The following PCDH12 variants were observed in gnomAD, a reference collection of about 807,000 sequenced individuals.
The protein encoded by PCDH12 is protocadherin 12.
PCDH12 carries 45 observed loss-of-function variants against 70.9 expected under a neutral mutation model. The observed-to-expected ratio is 0.63, with a 90% CI of 0.50 to 0.81. The LOEUF (loss-of-function observed/expected upper bound fraction) is 0.81, where lower values mean the gene tolerates loss of function less well. Among genes scored for constraint, PCDH12 ranks in the 40% least tolerant of loss-of-function variants. The pLI, the probability that PCDH12 is intolerant of heterozygous loss-of-function variation, is 0.00. For synonymous variants in PCDH12, 567 were observed against 626.0 expected, an observed-to-expected ratio of 0.91 and a Z score of 1.41; for missense variants, 1,370 against 1,491.7, an observed-to-expected ratio of 0.92 and a Z score of 1.34.
chr5:141,955,641 C>T lies in PCDH12; in HGVS notation c.2211G>A (p.Met737Ile), dbSNP rs758107583. ...GIFGLILALFMSICRTEKKDN... is the reference protein window; with the variant it reads ...GIFGLILALFISICRTEKKDN... Reference sequence around the variant, plus strand: ...CCTTCTTTTCTGTCCGGCAGATGGACATGAACAAAGCCAGGATCAACCCGA... The same window carrying T: ...CCTTCTTTTCTGTCCGGCAGATGGATATGAACAAAGCCAGGATCAACCCGA... Residue 737 changes from methionine (M) to isoleucine (I), a missense_variant, in exon 1 of 4, where the codon ATG becomes ATA. By Grantham distance (10) the Met-to-Ile change is conservative (BLOSUM62 1). Coordinates refer to ENST00000231484, the MANE Select transcript of PCDH12 (RefSeq NM_016580.4). This position sits in a 1 kb window ranked among gnomAD's most constrained non-coding sequence, Gnocchi z 5.5. 11 of 1,614,160 alleles carry T rather than the reference C, an allele frequency of 6.8e-6. No homozygotes were observed. Among genetic ancestry groups the T allele is most frequent in the Non-Finnish European group, 9.3e-6 (11 of 1,180,034 alleles).
rs938296506 is a variant in PCDH12, at chr5:141,943,726, T to A, written c.*1655A>T. The A allele has an allele frequency of 6.6e-6, 1 of 152,058 alleles. No individual in the cohort carries two copies. Among genetic ancestry groups the A allele is most frequent in the African/African-American group, 2.4e-5 (1 of 41,376 alleles). 9.4% of individuals were successfully genotyped at this position (152,058 alleles called of 1,614,324 possible). On this transcript the variant is annotated 3_prime_UTR_variant, in exon 4 of 4. Transcript: ENST00000231484. The stretch of plus-strand genomic sequence containing the variant: ...GCCTGCCTGCTTGATATCCCCCAGT[T>A]TCTCTCACTGGCCCACAGAACCCAA...
chr5:141,956,377 T>A lies in PCDH12; in HGVS notation c.1475A>T (p.Asn492Ile). 1 of 1,614,226 alleles carries A rather than the reference T, an allele frequency of 6.2e-7. No individual in the cohort carries two copies. Among genetic ancestry groups the A allele is most frequent in the Non-Finnish European group, 8.5e-7 (1 of 1,180,040 alleles). The part of the protein sequence containing the change: ...IKAHDADLGI[N>I]GKVSYRIQDS... Reference sequence around the variant, plus strand: ...CTGGATGCGGTATGAGACTTTTCCATTAATGCCCAAGTCTGCATCATGAGC... The same window carrying A: ...CTGGATGCGGTATGAGACTTTTCCAATAATGCCCAAGTCTGCATCATGAGC... The change falls in exon 1 of 4, where the codon AAT (asparagine) becomes ATT (isoleucine). Residue 492 changes from asparagine to isoleucine, a missense_variant. Coordinates refer to ENST00000231484, the MANE Select transcript of PCDH12 (RefSeq NM_016580.4).
chr5:141,948,494 C>T (rs182903755), intron 3 of PCDH12, among the ~76,000 whole-genome samples: 8 of 152,138 alleles, frequency 5.3e-5, no homozygotes, highest in Non-Finnish European at 8.8e-5. Flanking sequence ...GGGCGGGGGG[C>T]GCTAGCAGAT....
chr5:141,945,563 A>G lies in PCDH12; in HGVS notation c.3373T>C (p.Ser1125Pro), dbSNP rs752872441. 7 of 1,613,942 alleles carry G rather than the reference A, an allele frequency of 4.3e-6. No individual in the cohort carries two copies. The Admixed American group carries it at 1.2e-4, about 27-fold the overall frequency. Residue 1125 changes from serine (S) to proline (P), a missense_variant, in exon 4 of 4, where the codon TCC becomes CCC. Transcript: ENST00000231484. The part of the protein sequence containing the change: ...SLLEMLLEQR[S>P]SMPVEAASEA... ...GAGGCGGCCTCCACGGGCATGCTGG[A>G]GCGCTGTTCCAGCAGCATCTCCAGC... is the stretch of plus-strand genomic sequence containing the variant.
At position 141,954,842 on chromosome 5, in the gene PCDH12, C is replaced by T. The variant is rs1243425133; in HGVS notation, c.2880+130G>A. ...AAGCTGTGCCCTGAACCATTGCTAC[C>T]CAAAGCATCAGAAAGTGCCAGGTGA... is the stretch of plus-strand genomic sequence containing the variant. On this transcript the variant is annotated intron_variant, in intron 1 of 3. Transcript: ENST00000231484. 3 of 1,247,464 alleles carry T rather than the reference C, an allele frequency of 2.4e-6. No homozygotes were observed. In the African/African-American group the frequency reaches 4.5e-5, roughly 19 times the overall value. 77.3% of individuals were successfully genotyped at this position (1,247,464 alleles called of 1,614,324 possible). A position where few individuals can be genotyped will look rare whatever the true frequency, so the allele number is the denominator to read the frequency against.
At chr5:141,953,738 A>G (rs920409024) in intron 1 of PCDH12, among the ~76,000 whole-genome samples, 15 of 152,250 alleles carry the variant, frequency 9.9e-5, no homozygotes, top group African/African-American at 3.4e-4. Context: ...GGATAAATGA[A>G]TGGTTGGCTC....
intron 3 of PCDH12, among the ~76,000 whole-genome samples, chr5:141,947,386 T>C (rs1246078454): frequency 2.0e-5 from 3 of 152,236 alleles, no homozygotes; most frequent in Admixed American, 1.3e-4. Context: ...AATCAGGCCT[T>C]TCCTTTTACA....
chr5:141,945,711 G>A lies in PCDH12; in HGVS notation c.3225C>T (p.Ser1075=), dbSNP rs765471580. ...LTTNYRDNVI[S]PDAAATEEPR... is the part of the protein sequence containing the mutation. The stretch of plus-strand genomic sequence containing the variant: ...GCTCCTCCGTGGCTGCAGCATCCGG[G>A]GAGATCACATTGTCACGGTAGTTGG... Residue 1075 remains serine (S), a synonymous_variant, in exon 4 of 4, where the codon TCC becomes TCT. Coordinates refer to ENST00000231484, the MANE Select transcript of PCDH12 (RefSeq NM_016580.4). 5.6e-6 allele frequency: 9 copies of A among 1,614,066 alleles called. No individual in the cohort carries two copies. The highest frequency in any genetic ancestry group is 7.6e-6 in the Non-Finnish European group (9 of 1,180,038).
At chr5:141,949,688 T>C (rs1328524295) in intron 2 of PCDH12, 105 bp from the exon 3 acceptor site, 3 of 1,387,614 alleles carry the variant, frequency 2.2e-6, no homozygotes, top group Non-Finnish European at 2.9e-6. Flanking sequence ...GGGAACTGGA[T>C]ACACAGCCTG....
In PCDH12 at chr5:141,954,840, A is replaced by G. The variant is rs114463683; in HGVS notation, c.2880+132T>C. 59 of 1,218,476 alleles carry G rather than the reference A, an allele frequency of 4.8e-5. No individual in the cohort carries two copies. In the African/African-American group the frequency reaches 8.0e-4, roughly 17 times the overall value. 75.5% of individuals were successfully genotyped at this position (1,218,476 alleles called of 1,614,324 possible). ...CAAAGCTGTGCCCTGAACCATTGCT[A>G]CCCAAAGCATCAGAAAGTGCCAGGT... On this transcript the variant is annotated intron_variant, in intron 1 of 3. Coordinates refer to ENST00000231484, the MANE Select transcript of PCDH12 (RefSeq NM_016580.4).
intron 3 of PCDH12, 53 bp from the exon 4 acceptor site, chr5:141,945,858 C>T (rs1047082474): frequency 7.2e-5 from 111 of 1,547,714 alleles, no homozygotes; most frequent in Non-Finnish European, 8.6e-5. Context: ...AAGGGCCAGG[C>T]GGGTGAGGGT....
rs1347349653 is a variant in PCDH12 at position 141,944,232 on chromosome 5, T to A, written c.*1149A>T. The A allele has an allele frequency of 6.6e-6, 1 of 152,208 alleles. No homozygotes were observed. The highest frequency in any genetic ancestry group is 1.5e-5 in the Non-Finnish European group (1 of 68,060). The allele number at this position is 152,208 out of a possible 1,614,324, so 9.4% of individuals were successfully genotyped here. ...CCTCTGGGATTCACAAGCCTGAACC[T>A]GCAATGACAGAGGAAGGTTTACCCG... On this transcript the variant is annotated 3_prime_UTR_variant, in exon 4 of 4. Transcript: ENST00000231484.
Position 141,957,960 on chromosome 5 carries a change from A to AAG in PCDH12, c.-110_-109insCT. 7.7e-7 allele frequency: 1 copy of AAG among 1,295,848 alleles called. No individual in the cohort carries two copies. Among genetic ancestry groups the AAG allele is most frequent in the Non-Finnish European group, 1.1e-6 (1 of 950,112 alleles). The allele number at this position is 1,295,848 out of a possible 1,614,324, so 80.3% of individuals were successfully genotyped here. On this transcript the variant is annotated 5_prime_UTR_variant, in exon 1 of 4. It introduces an in-frame stop codon into an upstream open reading frame of the 5' UTR. Coordinates refer to ENST00000231484, the MANE Select transcript of PCDH12 (RefSeq NM_016580.4). The surrounding 1 kb of genome is among the most constrained non-coding windows in gnomAD (Gnocchi z 4.3). Reference sequence around the variant, plus strand: ...TGATCAGCCCCGTGCTCCTTCCCCCAGAGCTGCCGGCACAACCTTGTCCCA... The same window carrying AAG: ...TGATCAGCCCCGTGCTCCTTCCCCCAAGGAGCTGCCGGCACAACCTTGTCCCA...
chr5:141,947,396 A>G (rs751512353), intron 3 of PCDH12, among the ~76,000 whole-genome samples: 10 of 152,186 alleles, frequency 6.6e-5, no homozygotes, highest in Non-Finnish European at 1.2e-4. Flanking sequence ...TTCCTTTTAC[A>G]TGGGTCAGAG....
chr5:141,951,720 AGAT>A, intron 1 of PCDH12, 130 bp from the exon 2 acceptor site: 1 of 717,408 alleles, frequency 1.4e-6, no homozygotes, highest in Non-Finnish European at 2.5e-6. Flanking sequence ...TTGTGTGATC[AGAT>A]GGGGGATGGT....
intron 1 of PCDH12, among the ~76,000 whole-genome samples, chr5:141,954,030 A>G (rs759704434): frequency 6.6e-6 from 1 of 152,208 alleles, no homozygotes; most frequent in Non-Finnish European, 1.5e-5. Flanking sequence ...GTCCTTAGAC[A>G]TTTTGACACT....
intron 3 of PCDH12, 125 bp downstream of exon 3, chr5:141,949,307 A>G: frequency 6.7e-7 from 1 of 1,491,326 alleles, no homozygotes; most frequent in Non-Finnish European, 8.9e-7. Context: ...AAGGGAAGTT[A>G]AATGTTGCTG....
chr5:141,954,989 CCA>C lies in PCDH12; in HGVS notation c.2861_2862del (p.Val954GlyfsTer30). The stretch of plus-strand genomic sequence containing the variant: ...CCAGGTACCTGAACAGGAGGAGAAT[CCA>C]CAGTGAGCTCCTCCACGGGGTTCCG... ...AERNPVEELTVDSPPVQQISQ... is the reference protein window; with the variant it reads ...AERNPVEELTXDSPPVQQISQ... On this transcript the variant is annotated frameshift_variant, in exon 1 of 4. Coordinates refer to ENST00000231484, the MANE Select transcript of PCDH12 (RefSeq NM_016580.4). LOFTEE classifies it high-confidence loss of function. The C allele has an allele frequency of 2.5e-6, 4 of 1,612,514 alleles. No individual in the cohort carries two copies. The highest frequency in any genetic ancestry group is 2.5e-6 in the Non-Finnish European group (3 of 1,178,838).
Position 141,947,982 on chromosome 5 carries a change from CA to C in PCDH12, c.3130+1449del, listed in dbSNP as rs1250335587. Among the ~76,000 whole-genome samples, 105 of 152,366 alleles carry C rather than the reference CA, an allele frequency of 6.9e-4. 1 individual carries two copies. The highest frequency in any genetic ancestry group is 2.5e-3 in the Admixed American group (38 of 15,306). The stretch of plus-strand genomic sequence containing the variant: ...AGATAGAATCCAAAGCTATATCCCC[CA>C]GCCATACATAGCCAGTGAGCACTTG... On this transcript the variant is annotated intron_variant, in intron 3 of 3. Transcript: ENST00000231484.
Sources: allele counts gnomAD v4.1 joint callset (sites outside exome capture counted in the v4.1 genomes callset), GRCh38; gene constraint gnomAD v4.1.1; non-coding constraint Gnocchi (gnomAD v3.1); transcripts MANE v1.5; gene names NCBI Gene and HGNC (gene_info 2026-07-23, HGNC 2026-07-21).